SPATA13: variants seen among roughly 807,000 people sequenced by gnomAD.
SPATA13 encodes spermatogenesis associated 13.
A neutral mutation model predicts 104.0 loss-of-function variants in SPATA13; 50 were observed. That is an observed-to-expected ratio of 0.48 (90% CI 0.38 to 0.61). The LOEUF (loss-of-function observed/expected upper bound fraction) is 0.61. Ranked by LOEUF, SPATA13 falls within the 20% of genes least tolerant of loss-of-function variation. SPATA13 has a pLI of 0.00. For missense variants in SPATA13, 1,524 were observed against 1,690.6 expected, an observed-to-expected ratio of 0.90 and a Z score of 1.73; for synonymous variants, 606 against 667.5, an observed-to-expected ratio of 0.91 and a Z score of 1.42.
exon 3 of SPATA13, chr13:24,017,669 C>G (rs1876780274): frequency 1.0e-6 from 1 of 985,236 alleles, no homozygotes; most frequent in Non-Finnish European, 1.2e-6. Context: ...CTTTCCAGAG[C>G]TTGTCTTCAA....
At chr13:24,032,684 A>G (rs1450620084) in intron 3 of SPATA13, among the ~76,000 whole-genome samples, 1 of 152,256 alleles carries the variant, frequency 6.6e-6, no homozygotes, top group Non-Finnish European at 1.5e-5. Context: ...CACGAGCAGA[A>G]TAACTTCAAA....
At chr13:24,077,210 A>G (rs1879358926) in intron 3 of SPATA13, among the ~76,000 whole-genome samples, 1 of 147,634 alleles carries the variant, frequency 6.8e-6, no homozygotes, top group Admixed American at 7.0e-5. Flanking sequence ...CATGGAACAA[A>G]TTTTCCTACG....
chr13:24,229,733 C>T (rs1191554448), intron 2 of SPATA13, among the ~76,000 whole-genome samples: 2 of 152,150 alleles, frequency 1.3e-5, no homozygotes, highest in Non-Finnish European at 2.9e-5. Flanking sequence ...TAAGTTCCTG[C>T]ATAATCCAAC....
chr13:24,047,422 A>G (rs2209507), intron 3 of SPATA13, among the ~76,000 whole-genome samples: 144,874 of 152,288 alleles, frequency 0.95, 69,214 homozygotes, highest in Non-Finnish European at 1. Flanking sequence ...TTCATTTTAC[A>G]AAGGCAGTTT....
intron 3 of SPATA13, chr13:24,123,535 G>C: frequency 6.2e-7 from 1 of 1,611,488 alleles, no homozygotes; most frequent in African/African-American, 1.3e-5. Context: ...TCAGCATTTG[G>C]TTCTGTAAGA....
intron 1 of SPATA13, among the ~76,000 whole-genome samples, chr13:24,219,460 A>G (rs1401450402): frequency 1.3e-5 from 2 of 152,182 alleles, no homozygotes; most frequent in African/African-American, 4.8e-5. Flanking sequence ...CAACTTCTTC[A>G]CTCTATAAAA....
Position 24,137,119 on chromosome 13 carries a change from C to T in SPATA13, c.-111-85700C>T, listed in dbSNP as rs914881082. On this transcript the variant is annotated intron_variant, in intron 3 of 14. Transcript: ENST00000424834. ...TGCTGGGATTACAGGCGTGAGCCAC[C>T]GCGCCCGGCCTGTTCTTTATTTTTA... 8.6e-5 allele frequency among the ~76,000 whole-genome samples: 3 copies of T among 35,036 alleles called. 1 individual carries two copies. The highest frequency in any genetic ancestry group is 7.8e-4 in the Admixed American group (2 of 2,572). The allele number at this position is 35,036 out of a possible 152,430, so 23.0% of individuals were successfully genotyped here. A position where few individuals can be genotyped will look rare whatever the true frequency, so the allele number is the denominator to read the frequency against.
At position 24,246,397 on chromosome 13, in the gene SPATA13, G is replaced by A. The variant is rs2138654028; in HGVS notation, c.1654-3080G>A. 1.3e-5 allele frequency among the ~76,000 whole-genome samples: 2 copies of A among 152,054 alleles called. 1 individual carries two copies. The highest frequency in any genetic ancestry group is 3.9e-4 in the East Asian group (2 of 5,174). Reference sequence around the variant, plus strand: ...CATATTTTCCTGTAGTGGTGTTGGGGAGGAAAAAAACGTTTCCTCTACACT... The same window carrying A: ...CATATTTTCCTGTAGTGGTGTTGGGAAGGAAAAAAACGTTTCCTCTACACT... On this transcript the variant is annotated intron_variant, in intron 2 of 12. Transcript: ENST00000382108.
At position 24,007,203 on chromosome 13, in the gene SPATA13, G is replaced by A. The variant is rs116630362; in HGVS notation, c.-146-10464G>A. ...GGTTGCCTGGTGGCCCTGAGGCTCT[G>A]AGCCCTCTGCAGAGTTTAATACCCT... On this transcript the variant is annotated intron_variant, in intron 2 of 14. Coordinates refer to the SPATA13 transcript ENST00000424834. Among the ~76,000 whole-genome samples, 1,013 of 152,268 alleles carry A rather than the reference G, an allele frequency of 6.7e-3. 9 individuals carry two copies. Among genetic ancestry groups the A allele is most frequent in the African/African-American group, 0.021 (891 of 41,542 alleles).
intron 3 of SPATA13, among the ~76,000 whole-genome samples, chr13:24,118,332 G>A (rs1276475492): frequency 6.6e-6 from 1 of 152,132 alleles, no homozygotes; most frequent in African/African-American, 2.4e-5. Context: ...AATGCCACAT[G>A]TACAAAATTG....
chr13:24,083,995 C>A (rs1025466786), intron 3 of SPATA13, among the ~76,000 whole-genome samples: 5 of 152,180 alleles, frequency 3.3e-5, no homozygotes, highest in Non-Finnish European at 5.9e-5. Flanking sequence ...AGTCACCACA[C>A]CATGCCCAGC....
intron 2 of SPATA13, among the ~76,000 whole-genome samples, chr13:24,246,326 T>C (rs1022516047): frequency 1.1e-4 from 17 of 152,228 alleles, no homozygotes; most frequent in African/African-American, 4.1e-4. Flanking sequence ...TCTTTGTTTT[T>C]CATGTGTAAT....
intron 3 of SPATA13, among the ~76,000 whole-genome samples, chr13:24,066,393 G>A (rs546727510): frequency 1.3e-5 from 2 of 152,156 alleles, no homozygotes; most frequent in Non-Finnish European, 2.9e-5. Context: ...AGAGTTTAAA[G>A]GATTTGCCCA....
intron 3 of SPATA13, among the ~76,000 whole-genome samples, chr13:24,138,537 A>G (rs930855244): frequency 1.3e-5 from 2 of 151,984 alleles, no homozygotes; most frequent in Non-Finnish European, 2.9e-5. Flanking sequence ...TCCTTTTCTT[A>G]TGTTAATTTA....
intron 2 of SPATA13, among the ~76,000 whole-genome samples, chr13:23,987,179 G>T (rs1875187825): frequency 6.6e-6 from 1 of 152,076 alleles, no homozygotes; most frequent in Non-Finnish European, 1.5e-5. Context: ...TTAGTTTATG[G>T]GATGGATAAT....
chr13:24,284,556 GGGA>G (rs1451162269), intron 5 of SPATA13, among the ~76,000 whole-genome samples: 1 of 152,150 alleles, frequency 6.6e-6, no homozygotes, highest in East Asian at 1.9e-4. Flanking sequence ...CCAGCTACTT[GGGA>G]GGCTGAGGCA....
intron 2 of SPATA13, among the ~76,000 whole-genome samples, chr13:24,236,568 C>G (rs1388302652): frequency 6.8e-6 from 1 of 146,760 alleles, no homozygotes; most frequent in African/African-American, 2.5e-5. Flanking sequence ...TGCACTCCAG[C>G]CTGGGTGACA....
chr13:24,285,837 C>A (rs575489474), intron 5 of SPATA13, among the ~76,000 whole-genome samples: 1 of 152,114 alleles, frequency 6.6e-6, no homozygotes, highest in Admixed American at 6.5e-5. Context: ...CCCACCACCA[C>A]GCCTGGCTAA....
chr13:24,121,259 C>G (rs893222287), intron 3 of SPATA13, among the ~76,000 whole-genome samples: 7 of 152,098 alleles, frequency 4.6e-5, no homozygotes, highest in African/African-American at 7.2e-5. Context: ...ACCACTAAAC[C>G]CTTTTTACAT....
Sources: allele counts gnomAD v4.1 joint callset (sites outside exome capture counted in the v4.1 genomes callset), GRCh38; gene constraint gnomAD v4.1.1; transcripts MANE v1.5; gene names NCBI Gene and HGNC (gene_info 2026-07-23, HGNC 2026-07-21).